Variants in RABGAP1L observed in about 807,000 individuals in gnomAD.
RABGAP1L encodes RAB GTPase activating protein 1 like.
Under a neutral mutation model 137.7 loss-of-function variants are expected in RABGAP1L, and 63 were observed. That is an observed-to-expected ratio of 0.46 (90% CI 0.37 to 0.56). The LOEUF is 0.56. Among genes scored for constraint, RABGAP1L ranks in the 20% least tolerant of loss-of-function variants. RABGAP1L has a pLI of 0.00. For missense variants in RABGAP1L, 1,095 were observed against 1,244.0 expected (o/e 0.88, Z 1.80); for synonymous variants, 431 against 433.7 (o/e 0.99, Z 0.08).
At chr1:174,888,979 T>G (rs1045359260) in intron 19 of RABGAP1L, among the ~76,000 whole-genome samples, 1 of 152,186 alleles carries the variant, frequency 6.6e-6, no homozygotes, top group Non-Finnish European at 1.5e-5. Flanking sequence ...GCATAAGATA[T>G]GGAATTTATT....
At chr1:174,874,570 A>T (rs1253683355) in intron 19 of RABGAP1L, 1 of 409,760 alleles carries the variant, frequency 2.4e-6, no homozygotes, top group Non-Finnish European at 3.1e-6. Context: ...AATTCTCCAC[A>T]CCACTGCCTT....
chr1:174,195,667 C>CCTTTCCTT lies in RABGAP1L; in HGVS notation c.-33-23420_-33-23413dup, dbSNP rs1330311008. Among the ~76,000 whole-genome samples, 21 of 94,288 alleles carry CCTTTCCTT rather than the reference C, an allele frequency of 2.2e-4. 1 individual carries two copies. Among genetic ancestry groups the CCTTTCCTT allele is most frequent in the South Asian group, 1.7e-3 (4 of 2,418 alleles). The allele number at this position is 94,288 out of a possible 152,430, so 61.9% of individuals were successfully genotyped here. A position where few individuals can be genotyped will look rare whatever the true frequency, so the allele number is the denominator to read the frequency against. On this transcript the variant is annotated intron_variant, in intron 1 of 25. Coordinates refer to ENST00000681986, the MANE Select transcript of RABGAP1L (RefSeq NM_001366446.1). ...TTCCTTCCTTCCTTTCCTTTCCTTTCCTTTCCTTCTTTCCTTCTTTCCTTC... is the reference window on the plus strand; with the variant it reads ...TTCCTTCCTTCCTTTCCTTTCCTTTCCTTTCCTTCTTTCCTTCTTTCCTTCTTTCCTTC...
chr1:174,789,774 G>C (rs1426807884), intron 18 of RABGAP1L, among the ~76,000 whole-genome samples: 1 of 152,194 alleles, frequency 6.6e-6, no homozygotes, highest in Non-Finnish European at 1.5e-5. Flanking sequence ...GAAAATGAAT[G>C]AATTAATAGA....
intron 1 of RABGAP1L, among the ~76,000 whole-genome samples, chr1:174,164,194 C>G (rs1664734087): frequency 6.7e-6 from 1 of 150,232 alleles, no homozygotes; most frequent in Non-Finnish European, 1.5e-5. Context: ...ATGCTAAAAA[C>G]CTTGGCACTT....
At chr1:174,668,060 A>T (rs545074202) in intron 14 of RABGAP1L, among the ~76,000 whole-genome samples, 53 of 152,250 alleles carry the variant, frequency 3.5e-4, no homozygotes, top group Non-Finnish European at 6.9e-4. Context: ...TATTATGAAA[A>T]TTTTCAAATA....
intron 19 of RABGAP1L, among the ~76,000 whole-genome samples, chr1:174,904,711 G>A (rs781166363): frequency 7.2e-5 from 11 of 151,874 alleles, no homozygotes; most frequent in Middle Eastern, 3.2e-3. Flanking sequence ...ATGCAGTGGC[G>A]TGAACACAGC....
chr1:174,226,632 A>G (rs1259078995), intron 3 of RABGAP1L, among the ~76,000 whole-genome samples: 1 of 152,144 alleles, frequency 6.6e-6, no homozygotes, highest in East Asian at 1.9e-4. Context: ...TTCTTAATGA[A>G]TTGACCATTT....
At chr1:174,721,307 T>G (rs1681521459) in intron 17 of RABGAP1L, among the ~76,000 whole-genome samples, 1 of 152,236 alleles carries the variant, frequency 6.6e-6, no homozygotes, top group African/African-American at 2.4e-5. Context: ...TCTTTGAATT[T>G]GTTACTTTGG....
chr1:174,802,572 A>G lies in RABGAP1L; in HGVS notation c.2212-9260A>G, dbSNP rs187424485. On this transcript the variant is annotated intron_variant, in intron 18 of 25. Coordinates refer to ENST00000681986, the MANE Select transcript of RABGAP1L (RefSeq NM_001366446.1). ...CGGTGAGCTGAGATCGTGCCATTGCACTCCAGCCTGGGCAATAAGAGCTAA... is the reference window on the plus strand; with the variant it reads ...CGGTGAGCTGAGATCGTGCCATTGCGCTCCAGCCTGGGCAATAAGAGCTAA... Among the ~76,000 whole-genome samples, 573 of 152,240 alleles carry G rather than the reference A, an allele frequency of 3.8e-3. 7 individuals are homozygous for G. Among genetic ancestry groups the G allele is most frequent in the South Asian group, 0.021 (103 of 4,814 alleles).
intron 7 of RABGAP1L, among the ~76,000 whole-genome samples, chr1:174,262,175 T>C (rs1673630292): frequency 6.6e-6 from 1 of 152,104 alleles, no homozygotes; most frequent in Non-Finnish European, 1.5e-5. Context: ...ATTTGGGGAG[T>C]GGATAACTGG....
chr1:174,853,470 G>A (rs1038001764), intron 19 of RABGAP1L, among the ~76,000 whole-genome samples: 8 of 152,046 alleles, frequency 5.3e-5, no homozygotes, highest in African/African-American at 7.2e-5. Context: ...AGTGGCTCAC[G>A]CCTGTAATCC....
intron 19 of RABGAP1L, among the ~76,000 whole-genome samples, chr1:174,848,480 C>T (rs1014572841): frequency 5.3e-4 from 79 of 148,764 alleles, no homozygotes; most frequent in Non-Finnish European, 9.9e-4. Flanking sequence ...TGTTGGAATA[C>T]CCTGCAGTGT....
At chr1:174,464,336 GA>G (rs11299274) in intron 13 of RABGAP1L, among the ~76,000 whole-genome samples, 53,559 of 151,896 alleles carry the variant, frequency 0.35, 12,086 homozygotes, top group African/African-American at 0.64. Context: ...TACTTTCACA[GA>G]AAGCCCATCT....
At chr1:174,443,936 T>C (rs1654441892) in intron 13 of RABGAP1L, among the ~76,000 whole-genome samples, 1 of 152,068 alleles carries the variant, frequency 6.6e-6, no homozygotes, top group South Asian at 2.1e-4. Flanking sequence ...TGGAAGACAC[T>C]GTCTTTTCAA....
rs544099556 is a variant in RABGAP1L, at chr1:174,249,055, G to A, written c.718-1420G>A. Among the ~76,000 whole-genome samples, 7 of 152,278 alleles carry A rather than the reference G, an allele frequency of 4.6e-5. 1 individual carries two copies. The South Asian group carries it at 1.2e-3, about 27-fold the overall frequency. Reference sequence around the variant, plus strand: ...ACCAAGAAGTAGAATAACTTCTGGAGAAGTGTTGGATTTAGAGTACTTCTT... The same window carrying A: ...ACCAAGAAGTAGAATAACTTCTGGAAAAGTGTTGGATTTAGAGTACTTCTT... On this transcript the variant is annotated intron_variant, in intron 5 of 25. Coordinates refer to ENST00000681986, the MANE Select transcript of RABGAP1L (RefSeq NM_001366446.1).
chr1:174,833,432 A>G (rs12754003), intron 19 of RABGAP1L, among the ~76,000 whole-genome samples: 37 of 105,998 alleles, frequency 3.5e-4, no homozygotes, highest in South Asian at 1.0e-3. Context: ...GTATATATAT[A>G]TGTGTGTGTG....
intron 19 of RABGAP1L, among the ~76,000 whole-genome samples, chr1:174,945,163 G>C (rs1417896688): frequency 6.6e-6 from 1 of 151,978 alleles, no homozygotes; most frequent in African/African-American, 2.4e-5. Flanking sequence ...AGCTTTCTGT[G>C]GTCCAATTTT....
chr1:174,202,260 C>G (rs983456082), intron 1 of RABGAP1L, among the ~76,000 whole-genome samples: 2 of 152,092 alleles, frequency 1.3e-5, no homozygotes, highest in African/African-American at 2.4e-5. Context: ...AGTTTACAGT[C>G]CCACCAACAG....
intron 11 of RABGAP1L, among the ~76,000 whole-genome samples, chr1:174,328,755 G>A (rs983350193): frequency 2.6e-5 from 4 of 152,098 alleles, no homozygotes; most frequent in Non-Finnish European, 4.4e-5. Flanking sequence ...GGGCGACAGA[G>A]CAAGACTCCA....
Sources: allele counts gnomAD v4.1 joint callset (sites outside exome capture counted in the v4.1 genomes callset), GRCh38; gene constraint gnomAD v4.1.1; transcripts MANE v1.5; gene names NCBI Gene and HGNC (gene_info 2026-07-23, HGNC 2026-07-21).